CAMSAP2: variants seen among roughly 807,000 people sequenced by gnomAD.
CAMSAP2 encodes the protein calmodulin-regulated spectrin-associated protein 2.
In CAMSAP2, 26 loss-of-function variants were observed where a neutral mutation model predicts 146.1. The ratio of observed to expected loss-of-function variants is 0.18; its 90% CI spans 0.13 to 0.25. The LOEUF is 0.25. Ranked by LOEUF, CAMSAP2 falls within the 10% of genes least tolerant of loss-of-function variation. The probability of loss-of-function intolerance (pLI) is 1.00; values close to 1 mark genes in which losing one functional copy is unlikely to be tolerated. For missense variants in CAMSAP2, 1,381 were observed against 1,759.3 expected (o/e 0.78, Z 3.85); for synonymous variants, 499 against 596.6 (o/e 0.84, Z 2.38).
In CAMSAP2 at chr1:200,739,470, C is replaced by G. The variant is rs1391192959; in HGVS notation, c.-358C>G. The G allele has an allele frequency of 6.5e-6, 1 of 154,522 alleles. No individual in the cohort carries two copies. Among genetic ancestry groups the G allele is most frequent in the Admixed American group, 6.5e-5 (1 of 15,326 alleles). The allele number at this position is 154,522 out of a possible 1,614,324, so 9.6% of individuals were successfully genotyped here. ...GGCCCTTCCAGCCTCCACCCTCCCC[C>G]AAGCCCGTGTGACTAAACCGAGACA... On this transcript the variant is annotated 5_prime_UTR_variant, in exon 1 of 17. Transcript: ENST00000358823. This position sits in a 1 kb window ranked among gnomAD's most constrained non-coding sequence, Gnocchi z 4.8.
In CAMSAP2 at chr1:200,854,845, C is replaced by G. The variant is rs1317964014; in HGVS notation, c.3852C>G (p.Asn1284Lys). ...PVSSLSLASL[N>K]TGDNESVHSG... ...CTAGCCTTTCTTTGGCATCGCTGAA[C>G]ACGGGTGATAACGAGAGTGTACATT... Residue 1284 changes from asparagine (N) to lysine (K), a missense_variant, in exon 14 of 17, where the codon AAC becomes AAG. Physicochemically the swap from Asn to Lys is moderately conservative, Grantham distance 94. Coordinates refer to ENST00000358823, the MANE Select transcript of CAMSAP2 (RefSeq NM_203459.4). 1.2e-6 allele frequency: 2 copies of G among 1,611,988 alleles called. No homozygotes were observed. The highest frequency in any genetic ancestry group is 1.1e-5 in the South Asian group (1 of 90,766).
chr1:200,787,655 G>A (rs1444191096), intron 2 of CAMSAP2, among the ~76,000 whole-genome samples: 6 of 152,264 alleles, frequency 3.9e-5, no homozygotes, highest in East Asian at 1.9e-4. Context: ...GTGAAGCAGC[G>A]GCAGAGTTTG....
chr1:200,744,799 T>C (rs1664274743), intron 1 of CAMSAP2, among the ~76,000 whole-genome samples: 1 of 152,096 alleles, frequency 6.6e-6, no homozygotes, highest in South Asian at 2.1e-4. Context: ...TGTGTAGACA[T>C]GGAGTTGTGA....
In CAMSAP2 at chr1:200,847,843, C is replaced by T. The variant is rs1338071185; in HGVS notation, c.1262+134C>T. ...CTAAATTTGAAAAAGGCAGTATAGG[C>T]AGATGATAGAGATGTAAAAGAGGCT... On this transcript the variant is annotated intron_variant, in intron 10 of 16. Transcript: ENST00000358823. The T allele has an allele frequency of 3.3e-6, 3 of 897,236 alleles. No homozygotes were observed. The Admixed American group carries it at 7.8e-5, about 23-fold the overall frequency. The allele number at this position is 897,236 out of a possible 1,614,324, so 55.6% of individuals were successfully genotyped here.
intron 11 of CAMSAP2, among the ~76,000 whole-genome samples, chr1:200,851,815 C>G (rs1667626109): frequency 6.6e-6 from 1 of 152,084 alleles, no homozygotes; most frequent in Non-Finnish European, 1.5e-5. Flanking sequence ...GGACAGTTGA[C>G]AAGGAGACAT....
At chr1:200,788,044 G>A (rs531877988) in intron 2 of CAMSAP2, among the ~76,000 whole-genome samples, 17 of 152,160 alleles carry the variant, frequency 1.1e-4, no homozygotes, top group African/African-American at 3.1e-4. Flanking sequence ...TGTGTGACCC[G>A]GTTTATTATG....
At chr1:200,790,109 G>T (rs1665708163) in intron 2 of CAMSAP2, among the ~76,000 whole-genome samples, 1 of 152,076 alleles carries the variant, frequency 6.6e-6, no homozygotes, top group South Asian at 2.1e-4. Flanking sequence ...TCTGGACTGT[G>T]GACTTCATAA....
Position 200,820,878 on chromosome 1 carries a change from T to A in CAMSAP2, c.645+5234T>A, listed in dbSNP as rs1666743225. ...TGACTTTTACTAGCATCCCATAGAA[T>A]TAGTGTTCTTCAGTGCACAATTTAG... On this transcript the variant is annotated intron_variant, in intron 4 of 16. Coordinates refer to ENST00000358823, the MANE Select transcript of CAMSAP2 (RefSeq NM_203459.4). Among the ~76,000 whole-genome samples, 2 of 152,178 alleles carry A rather than the reference T, an allele frequency of 1.3e-5. 1 individual carries two copies. Among genetic ancestry groups the A allele is most frequent in the South Asian group, 4.1e-4 (2 of 4,828 alleles).
At chr1:200,749,615 G>C (rs1664442638) in intron 1 of CAMSAP2, among the ~76,000 whole-genome samples, 1 of 151,976 alleles carries the variant, frequency 6.6e-6, no homozygotes, top group South Asian at 2.1e-4. Flanking sequence ...TATTTAACAT[G>C]TTCTATCAAT....
rs772784718 is a variant in CAMSAP2, at chr1:200,854,882, A to G, written c.3889A>G (p.Thr1297Ala). 6.2e-7 allele frequency: 1 copy of G among 1,607,186 alleles called. No individual in the cohort carries two copies. Among genetic ancestry groups the G allele is most frequent in the Non-Finnish European group, 8.5e-7 (1 of 1,175,860 alleles). ...CGAGAGTGTACATTCAGGCAAGAGGACGCCAAGGTAAATCTATAACGTATG... is the reference window on the plus strand; with the variant it reads ...CGAGAGTGTACATTCAGGCAAGAGGGCGCCAAGGTAAATCTATAACGTATG... ...DNESVHSGKR[T>A]PRSESVEGFL... Residue 1297 changes from threonine to alanine, a missense_variant, in exon 14 of 17, where the codon ACG (threonine) becomes GCG (alanine). Around this residue, in one of 4 missense-constraint regions of CAMSAP2, gnomAD observed 560 missense variants for 715.9 expected, o/e 0.78. Coordinates refer to ENST00000358823, the MANE Select transcript of CAMSAP2 (RefSeq NM_203459.4).
chr1:200,828,903 A>T (rs538229972), intron 4 of CAMSAP2, among the ~76,000 whole-genome samples: 2 of 152,098 alleles, frequency 1.3e-5, no homozygotes, highest in South Asian at 4.2e-4. Flanking sequence ...CACACCTGTA[A>T]TCCCAGCACT....
At chr1:200,855,503 CTCTT>C (rs1053530843) in intron 14 of CAMSAP2, among the ~76,000 whole-genome samples, 14 of 152,154 alleles carry the variant, frequency 9.2e-5, no homozygotes, top group African/African-American at 3.4e-4. Flanking sequence ...AAAACATTCA[CTCTT>C]TCAACAGATA....
chr1:200,764,234 G>T (rs2103005483), intron 2 of CAMSAP2, among the ~76,000 whole-genome samples: 1 of 152,052 alleles, frequency 6.6e-6, no homozygotes, highest in Middle Eastern at 3.4e-3. Context: ...TTTTAATTTG[G>T]GATATTTTAT....
chr1:200,793,473 C>G (rs1251903825), intron 2 of CAMSAP2, among the ~76,000 whole-genome samples: 1 of 151,808 alleles, frequency 6.6e-6, no homozygotes, highest in Non-Finnish European at 1.5e-5. Context: ...ATAGTAACAA[C>G]TAAAAGAAAT....
At chr1:200,742,032 A>T (rs1290468906) in intron 1 of CAMSAP2, among the ~76,000 whole-genome samples, 1 of 152,224 alleles carries the variant, frequency 6.6e-6, no homozygotes, top group Non-Finnish European at 1.5e-5. Flanking sequence ...TTAGATACCC[A>T]GCACTCTGAA....
intron 2 of CAMSAP2, among the ~76,000 whole-genome samples, chr1:200,774,955 C>G (rs1380081240): frequency 2.0e-5 from 3 of 152,130 alleles, no homozygotes; most frequent in Admixed American, 6.5e-5. Flanking sequence ...AATGAGAAGA[C>G]AGACCAAGCC....
At position 200,816,720 on chromosome 1, in the gene CAMSAP2, GCA is replaced by G. The variant is rs1378309273; in HGVS notation, c.645+1079_645+1080del. 3.8e-3 allele frequency among the ~76,000 whole-genome samples: 351 copies of G among 92,236 alleles called. 122 individuals are homozygous for G. Among genetic ancestry groups the G allele is most frequent in the Non-Finnish European group, 7.1e-3 (283 of 39,726 alleles). 60.5% of individuals were successfully genotyped at this position (92,236 alleles called of 152,430 possible). A position where few individuals can be genotyped will look rare whatever the true frequency, so the allele number is the denominator to read the frequency against. ...CACATATATGTGTATATATACACAC[GCA>G]CATATATGTGTGTACACACACACGC... On this transcript the variant is annotated intron_variant, in intron 4 of 16. Transcript: ENST00000358823.
Position 200,857,732 on chromosome 1 carries a change from GT to G in CAMSAP2, c.4132-17del, listed in dbSNP as rs755206955. The G allele has an allele frequency of 1.9e-6, 3 of 1,551,814 alleles. No homozygotes were observed. The highest frequency in any genetic ancestry group is 1.4e-5 in the African/African-American group (1 of 72,158). Reference sequence around the variant, plus strand: ...GGGTTTTTATTCGTGTTGTTATGTTGTTTTTGTTTTTTATTTTAAAGGAAAT... The same window carrying G: ...GGGTTTTTATTCGTGTTGTTATGTTGTTTTGTTTTTTATTTTAAAGGAAAT... On this transcript the variant is annotated intron_variant, in intron 16 of 16. Coordinates refer to ENST00000358823, the MANE Select transcript of CAMSAP2 (RefSeq NM_203459.4). This position sits in a 1 kb window ranked among gnomAD's most constrained non-coding sequence, Gnocchi z 4.7.
rs1213861755 is a variant in CAMSAP2 at position 200,751,798 on chromosome 1, C to T, written c.140-9041C>T. ...GAATGAGGTAATTAAGATGGAGAGA[C>T]ACAGAGGTGTTCACAGTCTGTGTGG... On this transcript the variant is annotated intron_variant, in intron 1 of 16. Transcript: ENST00000358823. Among the ~76,000 whole-genome samples the T allele has an allele frequency of 2.0e-5, 3 of 152,134 alleles. 1 individual carries two copies. The highest frequency in any genetic ancestry group is 1.3e-4 in the Admixed American group (2 of 15,278).
Sources: gnomAD v4.1 joint callset for allele counts (sites outside exome capture counted in the v4.1 genomes callset) on GRCh38, gnomAD v4.1.1 for gene constraint, gnomAD v4.1.1 regional missense constraint, Gnocchi (gnomAD v3.1) non-coding constraint, MANE v1.5 for transcripts, NCBI Gene and HGNC (gene_info 2026-07-23, HGNC 2026-07-21) for gene names.